The following FCHO2 variants were observed in gnomAD, a reference collection of about 807,000 sequenced individuals.
FCHO2 encodes the protein FCH and mu domain containing endocytic adaptor 2.
Under a neutral mutation model 114.1 loss-of-function variants are expected in FCHO2, and 43 were observed. The ratio of observed to expected loss-of-function variants is 0.38; its 90% CI spans 0.30 to 0.49. The LOEUF (loss-of-function observed/expected upper bound fraction) is 0.49. Ranked by LOEUF, FCHO2 falls within the 20% of genes least tolerant of loss-of-function variation. FCHO2 has a pLI of 0.97. For missense variants in FCHO2, 807 were observed against 950.4 expected (o/e 0.85, Z 1.98); for synonymous variants, 293 against 315.2 (o/e 0.93, Z 0.75).
chr5:72,979,009 G>T (rs886068164), intron 2 of FCHO2, among the ~76,000 whole-genome samples: 13 of 152,100 alleles, frequency 8.5e-5, no homozygotes, highest in Admixed American at 2.6e-4. Context: ...GATTCGGTTT[G>T]CCTGTATTTT....
At chr5:73,022,225 G>T (rs1755666966) in intron 8 of FCHO2, among the ~76,000 whole-genome samples, 1 of 151,832 alleles carries the variant, frequency 6.6e-6, no homozygotes, top group South Asian at 2.1e-4. Flanking sequence ...TTTTTCCCTG[G>T]GTCACAAATG....
intron 18 of FCHO2, among the ~76,000 whole-genome samples, chr5:73,066,386 A>G (rs1396866502): frequency 1.3e-5 from 2 of 151,974 alleles, no homozygotes; most frequent in Non-Finnish European, 2.9e-5. Context: ...TTTTGTTATT[A>G]TAAACAATGT....
intron 11 of FCHO2, among the ~76,000 whole-genome samples, chr5:73,043,196 T>C (rs970928946): frequency 6.6e-6 from 1 of 152,010 alleles, no homozygotes; most frequent in Non-Finnish European, 1.5e-5. Context: ...TCTCCCAGAG[T>C]GCTGGGATTA....
At chr5:73,043,219 A>ACTGTTCCTGGC (rs1161673226) in intron 11 of FCHO2, among the ~76,000 whole-genome samples, 1 of 152,080 alleles carries the variant, frequency 6.6e-6, no homozygotes, top group East Asian at 1.9e-4. Context: ...GGTGTGAACC[A>ACTGTTCCTGGC]CTGTTCCTGG....
At position 73,088,462 on chromosome 5, in the gene FCHO2, A is replaced by C. The variant is rs962707891; in HGVS notation, c.*372A>C. 5.7e-5 allele frequency: 11 copies of C among 192,848 alleles called. No individual in the cohort carries two copies. Among genetic ancestry groups the C allele is most frequent in the African/African-American group, 2.6e-4 (11 of 42,864 alleles). 11.9% of individuals were successfully genotyped at this position (192,848 alleles called of 1,614,324 possible). A position where few individuals can be genotyped will look rare whatever the true frequency, so the allele number is the denominator to read the frequency against. On this transcript the variant is annotated 3_prime_UTR_variant, in exon 26 of 26. Transcript: ENST00000430046. ...AGCACAAAGTAATTTAGCTTTCCAT[A>C]CATTTTTAGAGTCAGAGATAACTTT... is the stretch of plus-strand genomic sequence containing the variant.
At chr5:73,034,522 A>G in intron 8 of FCHO2, 135 bp from the exon 9 acceptor site, 1 of 617,536 alleles carries the variant, frequency 1.6e-6, no homozygotes. Context: ...TAACAACTAG[A>G]ACCATTTCAG....
In FCHO2 at chr5:73,090,360, TAATA is replaced by T. The variant is rs1457742942; in HGVS notation, c.*2274_*2277del. 1 of 152,612 alleles carries T rather than the reference TAATA, an allele frequency of 6.6e-6. No homozygotes were observed. The allele number at this position is 152,612 out of a possible 1,614,324, so 9.5% of individuals were successfully genotyped here. On this transcript the variant is annotated 3_prime_UTR_variant, in exon 26 of 26. Coordinates refer to ENST00000430046, the MANE Select transcript of FCHO2 (RefSeq NM_138782.3). ...AACCAAGAATTTGTAAACACAACTC[TAATA>T]AATGTGAGTTTTAAAGGATTGTTAT...
intron 1 of FCHO2, among the ~76,000 whole-genome samples, chr5:72,965,486 A>G (rs1752153400): frequency 6.6e-6 from 1 of 152,224 alleles, no homozygotes; most frequent in African/African-American, 2.4e-5. Flanking sequence ...CAAACCTTCA[A>G]TTTGTAAAAA....
chr5:72,972,133 G>A (rs1034803585), intron 2 of FCHO2, among the ~76,000 whole-genome samples: 100 of 152,156 alleles, frequency 6.6e-4, no homozygotes, highest in African/African-American at 2.3e-3. Flanking sequence ...GTCAGGTAGT[G>A]TGATGCCTCC....
intron 1 of FCHO2, among the ~76,000 whole-genome samples, chr5:72,963,609 C>A (rs1751997353): frequency 6.6e-6 from 1 of 152,008 alleles, no homozygotes. Flanking sequence ...GTGGCCCCAT[C>A]ACCATCATAG....
intron 8 of FCHO2, among the ~76,000 whole-genome samples, chr5:73,024,628 G>A (rs1438906476): frequency 6.6e-6 from 1 of 151,386 alleles, no homozygotes; most frequent in Non-Finnish European, 1.5e-5. Flanking sequence ...TAGTAGAGAC[G>A]GGGTTTCACC....
chr5:73,024,205 A>G (rs1755789241), intron 8 of FCHO2, among the ~76,000 whole-genome samples: 1 of 152,020 alleles, frequency 6.6e-6, no homozygotes, highest in South Asian at 2.1e-4. Context: ...GACCACAGGC[A>G]TATGCCAGTA....
rs12518829 is a variant in FCHO2 at position 73,088,435 on chromosome 5, C to G, written c.*345C>G. 148 of 211,182 alleles carry G rather than the reference C, an allele frequency of 7.0e-4. 2 individuals are homozygous for G. The South Asian group carries it at 9.9e-3, about 14-fold the overall frequency. 13.1% of individuals were successfully genotyped at this position (211,182 alleles called of 1,614,324 possible). On this transcript the variant is annotated 3_prime_UTR_variant, in exon 26 of 26. Transcript: ENST00000430046. ...TATCAGGCCTAAAGTTTCAGAAGAG[C>G]AAGCACAAAGTAATTTAGCTTTCCA...
intron 1 of FCHO2, among the ~76,000 whole-genome samples, chr5:72,957,112 G>A (rs1055785172): frequency 1.3e-5 from 2 of 152,064 alleles, no homozygotes; most frequent in Non-Finnish European, 2.9e-5. Context: ...GCATGGTCTT[G>A]GTTAGTAATC....
chr5:73,077,758 G>A (rs555336934), intron 21 of FCHO2, among the ~76,000 whole-genome samples: 3 of 152,272 alleles, frequency 2.0e-5, no homozygotes, highest in Non-Finnish European at 4.4e-5. Flanking sequence ...GCTGAGGTGG[G>A]AGAATCGCTT....
At chr5:72,977,010 T>C (rs1752927850) in intron 2 of FCHO2, among the ~76,000 whole-genome samples, 1 of 152,218 alleles carries the variant, frequency 6.6e-6, no homozygotes, top group South Asian at 2.1e-4. Context: ...CACATTTTCT[T>C]TATCCAGTCT....
intron 6 of FCHO2, among the ~76,000 whole-genome samples, chr5:73,012,758 C>T (rs1755091209): frequency 6.6e-6 from 1 of 152,102 alleles, no homozygotes; most frequent in South Asian, 2.1e-4. Flanking sequence ...ATATCCATTT[C>T]CCATTGCTGA....
At chr5:73,013,420 C>T (rs1010621481) in intron 6 of FCHO2, among the ~76,000 whole-genome samples, 1 of 152,112 alleles carries the variant, frequency 6.6e-6, no homozygotes, top group African/African-American at 2.4e-5. Flanking sequence ...TAGGCCCATT[C>T]CTTAGAACTG....
At chr5:72,999,180 TTAGA>T (rs2112693605) in intron 5 of FCHO2, among the ~76,000 whole-genome samples, 1 of 152,100 alleles carries the variant, frequency 6.6e-6, no homozygotes, top group South Asian at 2.1e-4. Context: ...GCTTGTGATA[TTAGA>T]TAGTGGGTTC....
Sources: gnomAD v4.1 joint callset for allele counts (sites outside exome capture counted in the v4.1 genomes callset) on GRCh38, gnomAD v4.1.1 for gene constraint, MANE v1.5 for transcripts, NCBI Gene and HGNC (gene_info 2026-07-23, HGNC 2026-07-21) for gene names.